DPP10: variants seen among roughly 807,000 people sequenced by gnomAD.
DPP10 encodes the protein inactive dipeptidyl peptidase 10.
A neutral mutation model predicts 120.9 loss-of-function variants in DPP10; 33 were observed. That is an observed-to-expected ratio of 0.27 (90% CI 0.21 to 0.37). The LOEUF is 0.37. Ranked by LOEUF, DPP10 falls within the 10% of genes least tolerant of loss-of-function variation. The probability of loss-of-function intolerance (pLI) is 1.00; values close to 1 mark genes in which losing one functional copy is unlikely to be tolerated. For synonymous variants in DPP10, 337 were observed against 326.1 expected (o/e 1.03, Z -0.36); for missense variants, 816 against 942.8 (o/e 0.87, Z 1.76).
chr2:115,182,574 C>G (rs781138608), intron 1 of DPP10, among the ~76,000 whole-genome samples: 2 of 152,152 alleles, frequency 1.3e-5, no homozygotes, highest in South Asian at 2.1e-4. Flanking sequence ...ATGAAAGTAT[C>G]CTGTTCTCAG....
intron 1 of DPP10, among the ~76,000 whole-genome samples, chr2:115,005,558 T>G (rs1015742273): frequency 6.6e-6 from 1 of 151,786 alleles, no homozygotes; most frequent in African/African-American, 2.4e-5. Context: ...GCTCGAGAAC[T>G]ACGTGAAGAA....
At chr2:114,811,840 TTTC>T (rs1351661110) in intron 1 of DPP10, among the ~76,000 whole-genome samples, 2 of 152,204 alleles carry the variant, frequency 1.3e-5, no homozygotes, top group South Asian at 4.1e-4. Flanking sequence ...AAAGATACAA[TTTC>T]TTTTTTGGAC....
At chr2:115,436,025 G>A (rs1010010656) in intron 3 of DPP10, among the ~76,000 whole-genome samples, 1 of 151,822 alleles carries the variant, frequency 6.6e-6, no homozygotes, top group Non-Finnish European at 1.5e-5. Flanking sequence ...AAAGCATTTG[G>A]ACAGATGTTA....
chr2:115,474,714 C>G (rs1293664309), intron 3 of DPP10, among the ~76,000 whole-genome samples: 1 of 134,266 alleles, frequency 7.4e-6, no homozygotes, highest in African/African-American at 2.8e-5. Flanking sequence ...AATCTGCACC[C>G]TGACCATGTG....
At chr2:114,827,802 A>G (rs1027140933) in intron 1 of DPP10, among the ~76,000 whole-genome samples, 5 of 152,230 alleles carry the variant, frequency 3.3e-5, no homozygotes, top group Non-Finnish European at 7.3e-5. Context: ...TCAAAGGCTC[A>G]ACATTTTTAC....
chr2:114,748,078 ATC>A (rs1051327307), intron 1 of DPP10, among the ~76,000 whole-genome samples: 3 of 152,164 alleles, frequency 2.0e-5, no homozygotes, highest in Non-Finnish European at 2.9e-5. Flanking sequence ...TGCACATTTT[ATC>A]TGTCATTTTT....
At chr2:114,474,593 TC>T (rs1210543910) in intron 1 of DPP10, among the ~76,000 whole-genome samples, 1 of 152,074 alleles carries the variant, frequency 6.6e-6, no homozygotes, top group Non-Finnish European at 1.5e-5. Flanking sequence ...AAAATTCAGA[TC>T]CTTTAAAGAG....
chr2:115,681,723 T>C (rs1174321490), intron 5 of DPP10, among the ~76,000 whole-genome samples: 1 of 150,772 alleles, frequency 6.6e-6, no homozygotes, highest in Admixed American at 6.6e-5. Context: ...CTTCCTTTCC[T>C]TCCTTCCTTT....
intron 3 of DPP10, among the ~76,000 whole-genome samples, chr2:115,430,507 T>G (rs843394): frequency 0.11 from 16,352 of 152,132 alleles, 1,033 homozygotes; most frequent in African/African-American, 0.16. Flanking sequence ...AGATTTTTAA[T>G]GTCTTTGTCC....
At position 115,412,885 on chromosome 2, in the gene DPP10, C is replaced by G. The variant is rs1428961859; in HGVS notation, c.271+68973C>G. On this transcript the variant is annotated intron_variant, in intron 3 of 25. Coordinates refer to ENST00000410059, the MANE Select transcript of DPP10 (RefSeq NM_020868.6). ...CTTCCATTGTATTATTAGGGGCATT[C>G]AGTAGAGGGCCTCTCATCTACCAGG... is the stretch of plus-strand genomic sequence containing the variant. 3.3e-5 allele frequency among the ~76,000 whole-genome samples: 5 copies of G among 152,130 alleles called. No individual in the cohort carries two copies. In the East Asian group the frequency reaches 9.6e-4, roughly 29 times the overall value.
intron 5 of DPP10, among the ~76,000 whole-genome samples, chr2:115,586,618 A>G (rs2082305900): frequency 1.3e-5 from 2 of 152,196 alleles, no homozygotes; most frequent in African/African-American, 4.8e-5. Flanking sequence ...TTCCCAAGAC[A>G]GGATTTTGGC....
At chr2:114,806,865 C>A (rs1411000591) in intron 1 of DPP10, among the ~76,000 whole-genome samples, 1 of 152,070 alleles carries the variant, frequency 6.6e-6, no homozygotes, top group East Asian at 1.9e-4. Context: ...CCTATCTAAC[C>A]CAACAGGAAA....
At chr2:115,790,144 A>G (rs1274650600) in intron 17 of DPP10, among the ~76,000 whole-genome samples, 6 of 150,124 alleles carry the variant, frequency 4.0e-5, no homozygotes, top group Admixed American at 1.3e-4. Context: ...CAGTGGCGCA[A>G]TCTCGGCTCA....
At chr2:115,315,930 A>T (rs756831811) in intron 2 of DPP10, among the ~76,000 whole-genome samples, 16 of 152,038 alleles carry the variant, frequency 1.1e-4, no homozygotes, top group Non-Finnish European at 2.4e-4. Flanking sequence ...GAATAAAAAC[A>T]GTTACTTTTT....
chr2:114,659,988 A>C (rs988494223), intron 1 of DPP10, among the ~76,000 whole-genome samples: 1 of 152,162 alleles, frequency 6.6e-6, no homozygotes, highest in Non-Finnish European at 1.5e-5. Flanking sequence ...ATGGCCATCA[A>C]CACCTTCATT....
chr2:115,378,195 T>A (rs1333778086), intron 3 of DPP10, among the ~76,000 whole-genome samples: 1 of 152,176 alleles, frequency 6.6e-6, no homozygotes, highest in Non-Finnish European at 1.5e-5. Flanking sequence ...GCATGGAATG[T>A]CCTTCCATTT....
chr2:115,216,040 G>A (rs2056797992), intron 1 of DPP10, among the ~76,000 whole-genome samples: 2 of 152,088 alleles, frequency 1.3e-5, no homozygotes, highest in African/African-American at 4.8e-5. Flanking sequence ...TCTTAAGTGA[G>A]ATAACTCAGA....
At chr2:115,203,633 A>C (rs1271150334) in intron 1 of DPP10, among the ~76,000 whole-genome samples, 1 of 152,076 alleles carries the variant, frequency 6.6e-6, no homozygotes, top group Non-Finnish European at 1.5e-5. Flanking sequence ...AGATCCACAC[A>C]TACACCCCCA....
chr2:115,580,637 T>C (rs1162851146), intron 5 of DPP10, among the ~76,000 whole-genome samples: 2 of 152,228 alleles, frequency 1.3e-5, no homozygotes, highest in African/African-American at 2.4e-5. Flanking sequence ...TTCTATCTAC[T>C]GGAATATTAT....
Sources: gnomAD v4.1 joint callset for allele counts (sites outside exome capture counted in the v4.1 genomes callset) on GRCh38, gnomAD v4.1.1 for gene constraint, MANE v1.5 for transcripts, NCBI Gene and HGNC (gene_info 2026-07-23, HGNC 2026-07-21) for gene names.